Variants in PLXDC2 observed in about 807,000 individuals in gnomAD.
PLXDC2 encodes the protein plexin domain containing 2.
PLXDC2 carries 40 observed loss-of-function variants against 68.9 expected under a neutral mutation model. The ratio of observed to expected loss-of-function variants is 0.58; its 90% CI spans 0.45 to 0.76. PLXDC2 has a LOEUF of 0.76. Ranked by LOEUF, PLXDC2 falls within the 30% of genes least tolerant of loss-of-function variation. PLXDC2 has a pLI of 0.00. For synonymous variants in PLXDC2, 243 were observed against 234.2 expected, an observed-to-expected ratio of 1.04 and a Z score of -0.34; for missense variants, 644 against 661.9, an observed-to-expected ratio of 0.97 and a Z score of 0.30.
chr10:19,848,566 A>T (rs966872413), intron 1 of PLXDC2, among the ~76,000 whole-genome samples: 8 of 152,218 alleles, frequency 5.3e-5, no homozygotes, highest in African/African-American at 1.9e-4. Flanking sequence ...GAAGCATTGG[A>T]GGGAAATGGC....
intron 6 of PLXDC2, among the ~76,000 whole-genome samples, chr10:20,152,671 C>G (rs1300613819): frequency 6.6e-6 from 1 of 151,890 alleles, no homozygotes; most frequent in African/African-American, 2.4e-5. Context: ...CATCTATTTC[C>G]TTGACTATAT....
At chr10:20,108,081 A>G (rs1589632837) in intron 4 of PLXDC2, among the ~76,000 whole-genome samples, 1 of 152,198 alleles carries the variant, frequency 6.6e-6, no homozygotes, top group Non-Finnish European at 1.5e-5. Flanking sequence ...TAAATCTTCA[A>G]TACAGTCTTA....
At chr10:20,047,160 G>T (rs1282441015) in intron 3 of PLXDC2, 145 bp downstream of exon 3, 7 of 744,604 alleles carry the variant, frequency 9.4e-6, no homozygotes, top group Non-Finnish European at 1.4e-5. Flanking sequence ...AGTGTATTCA[G>T]TTCTGTAATT....
At chr10:19,912,470 G>A (rs1833291560) in intron 1 of PLXDC2, among the ~76,000 whole-genome samples, 1 of 152,072 alleles carries the variant, frequency 6.6e-6, no homozygotes, top group Non-Finnish European at 1.5e-5. Flanking sequence ...CATCTCTTAT[G>A]TAGGCTAGCA....
In PLXDC2 at chr10:19,913,018, G is replaced by T. The variant is rs1034701645; in HGVS notation, c.113-88757G>T. Among the ~76,000 whole-genome samples the T allele has an allele frequency of 1.6e-4, 25 of 152,284 alleles. No homozygotes were observed. In the East Asian group the frequency reaches 4.3e-3, roughly 26 times the overall value. On this transcript the variant is annotated intron_variant, in intron 1 of 13. Transcript: ENST00000377252. ...TTGACTCGAGAGCATGACTTTAGTAGGTTCTAGTGTCCTAGATCTCACAAG... is the reference window on the plus strand; with the variant it reads ...TTGACTCGAGAGCATGACTTTAGTATGTTCTAGTGTCCTAGATCTCACAAG...
At chr10:20,028,932 G>T (rs1358617740) in intron 2 of PLXDC2, among the ~76,000 whole-genome samples, 1 of 152,108 alleles carries the variant, frequency 6.6e-6, no homozygotes, top group Non-Finnish European at 1.5e-5. Flanking sequence ...AGACATTCGA[G>T]GCTTTGTGCA....
chr10:20,226,874 A>G, intron 12 of PLXDC2, among the ~76,000 whole-genome samples: 1 of 152,094 alleles, frequency 6.6e-6, no homozygotes, highest in Non-Finnish European at 1.5e-5. Flanking sequence ...AGAAACCCGG[A>G]CCAGGGAACC....
chr10:20,063,732 GC>G (rs1208813119), intron 3 of PLXDC2, among the ~76,000 whole-genome samples: 1 of 152,136 alleles, frequency 6.6e-6, no homozygotes, highest in Non-Finnish European at 1.5e-5. Flanking sequence ...ATAGTCTGTT[GC>G]CCCGAGAAAT....
intron 4 of PLXDC2, among the ~76,000 whole-genome samples, chr10:20,103,640 T>C (rs553744087): frequency 2.9e-5 from 3 of 102,930 alleles, no homozygotes; most frequent in East Asian, 3.6e-4. Flanking sequence ...TCTTTTCTTT[T>C]TTTTTTTCTT....
chr10:19,862,979 T>C (rs1435067601), intron 1 of PLXDC2, among the ~76,000 whole-genome samples: 1 of 152,190 alleles, frequency 6.6e-6, no homozygotes, highest in Non-Finnish European at 1.5e-5. Flanking sequence ...AGCGTGTGTC[T>C]GTCTTTTATC....
intron 12 of PLXDC2, among the ~76,000 whole-genome samples, chr10:20,231,862 A>T (rs1216577639): frequency 6.6e-6 from 1 of 152,056 alleles, no homozygotes; most frequent in Non-Finnish European, 1.5e-5. Context: ...CAAAAAAATT[A>T]AAAAATTAAC....
intron 9 of PLXDC2, among the ~76,000 whole-genome samples, chr10:20,183,325 G>C (rs545508413): frequency 6.6e-6 from 1 of 152,006 alleles, no homozygotes; most frequent in African/African-American, 2.4e-5. Context: ...CAGCTTAAGA[G>C]GTTTCAGAAA....
At chr10:20,174,572 A>T (rs1193636091) in intron 7 of PLXDC2, among the ~76,000 whole-genome samples, 1 of 152,020 alleles carries the variant, frequency 6.6e-6, no homozygotes, top group East Asian at 1.9e-4. Context: ...CTGCAGTATA[A>T]TGTCATGATG....
In PLXDC2 at chr10:20,279,969, G is replaced by T. The variant is rs1408878979; in HGVS notation, c.*150G>T. 7.8e-6 allele frequency: 5 copies of T among 637,936 alleles called. No homozygotes were observed. Among genetic ancestry groups the T allele is most frequent in the South Asian group, 4.1e-5 (2 of 49,170 alleles). The allele number at this position is 637,936 out of a possible 1,614,324, so 39.5% of individuals were successfully genotyped here. ...AAGACAAGATTTCTGGACAAGCTCA[G>T]CCCAGGAAACAAAGGGTAAACAAAA... is the stretch of plus-strand genomic sequence containing the variant. On this transcript the variant is annotated 3_prime_UTR_variant, in exon 14 of 14. Transcript: ENST00000377252.
intron 9 of PLXDC2, among the ~76,000 whole-genome samples, chr10:20,182,430 A>G (rs2131830771): frequency 6.6e-6 from 1 of 152,142 alleles, no homozygotes; most frequent in East Asian, 1.9e-4. Flanking sequence ...TAGTTCAAAT[A>G]TCAGAAATTT....
At chr10:19,867,303 G>A (rs756289626) in intron 1 of PLXDC2, among the ~76,000 whole-genome samples, 2 of 151,994 alleles carry the variant, frequency 1.3e-5, no homozygotes, top group Non-Finnish European at 2.9e-5. Context: ...GACCTCAGGT[G>A]ATCCACCAGC....
intron 4 of PLXDC2, among the ~76,000 whole-genome samples, chr10:20,069,847 G>A (rs7097057): frequency 0.23 from 35,313 of 151,604 alleles, 5,986 homozygotes; most frequent in East Asian, 0.6. Flanking sequence ...AAAAACAAAT[G>A]AAAACCAGAA....
intron 13 of PLXDC2, among the ~76,000 whole-genome samples, chr10:20,248,756 C>T (rs533330641): frequency 3.1e-4 from 47 of 152,220 alleles, no homozygotes; most frequent in Admixed American, 2.2e-3. Context: ...TATGCAGACG[C>T]GTGGATTTAA....
At chr10:20,248,751 A>T (rs7919670) in intron 13 of PLXDC2, among the ~76,000 whole-genome samples, 1 of 152,152 alleles carries the variant, frequency 6.6e-6, no homozygotes, top group African/African-American at 2.4e-5. Flanking sequence ...TGTGATATGC[A>T]GACGCGTGGA....
Sources: gnomAD v4.1 joint callset for allele counts (sites outside exome capture counted in the v4.1 genomes callset) on GRCh38, gnomAD v4.1.1 for gene constraint, MANE v1.5 for transcripts, NCBI Gene and HGNC (gene_info 2026-07-23, HGNC 2026-07-21) for gene names.